Variants in COL25A1 observed in about 807,000 individuals in gnomAD.
COL25A1 encodes the protein collagen type XXV alpha 1 chain.
In COL25A1, 103 loss-of-function variants were observed where a neutral mutation model predicts 128.4. That is an observed-to-expected ratio of 0.80 (90% CI 0.68 to 0.94). The LOEUF is 0.94. Among genes scored for constraint, COL25A1 ranks in the 40% least tolerant of loss-of-function variants. The probability of loss-of-function intolerance (pLI) is 0.00; values close to 1 mark genes in which losing one functional copy is unlikely to be tolerated. For missense variants in COL25A1, 745 were observed against 840.0 expected, an observed-to-expected ratio of 0.89 and a Z score of 1.40; for synonymous variants, 279 against 277.2, an observed-to-expected ratio of 1.01 and a Z score of -0.06.
At chr4:109,178,892 A>T (rs1308603951) in intron 3 of COL25A1, among the ~76,000 whole-genome samples, 1 of 151,476 alleles carries the variant, frequency 6.6e-6, no homozygotes. Context: ...AATCTGCTTC[A>T]CATGAATTTT....
chr4:109,204,142 G>A (rs1024697133), intron 3 of COL25A1, among the ~76,000 whole-genome samples: 3 of 152,116 alleles, frequency 2.0e-5, no homozygotes, highest in African/African-American at 7.2e-5. Flanking sequence ...CTATAAAACA[G>A]AAATTGAGGG....
At chr4:108,875,840 A>G (rs979148284) in intron 19 of COL25A1, among the ~76,000 whole-genome samples, 1 of 152,220 alleles carries the variant, frequency 6.6e-6, no homozygotes, top group East Asian at 1.9e-4. Context: ...AGACTGGATT[A>G]AGAAAATGTG....
At chr4:109,199,449 T>C (rs926780930) in intron 3 of COL25A1, among the ~76,000 whole-genome samples, 1 of 152,222 alleles carries the variant, frequency 6.6e-6, no homozygotes, top group Middle Eastern at 3.4e-3. Context: ...CCAGTCAAAA[T>C]TGGAATTGCA....
intron 3 of COL25A1, among the ~76,000 whole-genome samples, chr4:109,217,512 T>C (rs1416908597): frequency 6.6e-6 from 1 of 152,172 alleles, no homozygotes; most frequent in Admixed American, 6.5e-5. Flanking sequence ...TATTAATAAT[T>C]TAGCAGGTGG....
intron 5 of COL25A1, among the ~76,000 whole-genome samples, chr4:109,012,542 C>T (rs942440441): frequency 4.6e-5 from 7 of 152,114 alleles, no homozygotes; most frequent in African/African-American, 7.2e-5. Flanking sequence ...CAGGTGGGCG[C>T]GGGCTTGGCG....
chr4:108,924,114 G>A (rs1745768989), intron 11 of COL25A1, among the ~76,000 whole-genome samples: 1 of 152,042 alleles, frequency 6.6e-6, no homozygotes, highest in Non-Finnish European at 1.5e-5. Flanking sequence ...TACAGGTTCT[G>A]GGTGATATAA....
chr4:108,912,685 T>G (rs1744371090), intron 13 of COL25A1, among the ~76,000 whole-genome samples: 1 of 152,146 alleles, frequency 6.6e-6, no homozygotes, highest in Admixed American at 6.6e-5. Context: ...TTATAGTAAG[T>G]GAATGGGGGA....
At chr4:108,866,100 A>G (rs1223627143) in intron 20 of COL25A1, among the ~76,000 whole-genome samples, 3 of 152,230 alleles carry the variant, frequency 2.0e-5, no homozygotes, top group Non-Finnish European at 4.4e-5. Flanking sequence ...GCTTAAATGC[A>G]GAAAAATATT....
In COL25A1 at chr4:108,827,180, T is replaced by C; in HGVS notation, c.1719A>G (p.Lys573=). The C allele has an allele frequency of 6.2e-7, 1 of 1,612,642 alleles. No individual in the cohort carries two copies. Among genetic ancestry groups the C allele is most frequent in the South Asian group, 1.1e-5 (1 of 91,004 alleles). Residue 573 remains lysine (K), a synonymous_variant, in exon 33 of 38, where the codon AAA becomes AAG. Transcript: ENST00000399132. ...PAGPKGERGE[K]GAMGEPGPRG... is the part of the protein sequence containing the mutation. ...TTGGTCCAGGCTCTCCCATAGCTCCTTTTTCACCCTAAAATGAAAAGTAGA... is the reference window on the plus strand; with the variant it reads ...TTGGTCCAGGCTCTCCCATAGCTCCCTTTTCACCCTAAAATGAAAAGTAGA...
chr4:108,858,723 C>T (rs1488626558), intron 24 of COL25A1, among the ~76,000 whole-genome samples: 1 of 151,470 alleles, frequency 6.6e-6, no homozygotes, highest in Admixed American at 6.6e-5. Context: ...AGTGACTGTA[C>T]CAAGAAAAGA....
At chr4:109,141,622 G>T (rs1006275256) in intron 3 of COL25A1, among the ~76,000 whole-genome samples, 2 of 152,116 alleles carry the variant, frequency 1.3e-5, no homozygotes, top group Non-Finnish European at 2.9e-5. Flanking sequence ...ACTTCTATTG[G>T]TCTATTCAGG....
At chr4:108,863,782 C>T (rs1229648777) in intron 20 of COL25A1, among the ~76,000 whole-genome samples, 3 of 152,202 alleles carry the variant, frequency 2.0e-5, no homozygotes, top group Admixed American at 6.5e-5. Context: ...CTCTCTTCCG[C>T]AGCTGAGAGC....
chr4:109,232,809 C>T (rs537675856), intron 3 of COL25A1, among the ~76,000 whole-genome samples: 1 of 152,220 alleles, frequency 6.6e-6, no homozygotes, highest in Non-Finnish European at 1.5e-5. Flanking sequence ...TTTTATTATA[C>T]CCACATTCTT....
At chr4:109,022,189 CT>C (rs1560555262) in intron 5 of COL25A1, 2 of 453,540 alleles carry the variant, frequency 4.4e-6, no homozygotes, top group Non-Finnish European at 8.8e-6. Context: ...GATGTTGCCC[CT>C]GGCGGCCCAG....
intron 3 of COL25A1, among the ~76,000 whole-genome samples, chr4:109,051,912 G>C (rs1363975080): frequency 7.3e-6 from 1 of 136,812 alleles, no homozygotes; most frequent in African/African-American, 2.9e-5. Context: ...GAGAAACTTA[G>C]GAATATTCAA....
chr4:109,186,904 T>C (rs1366376928), intron 3 of COL25A1, among the ~76,000 whole-genome samples: 2 of 152,166 alleles, frequency 1.3e-5, no homozygotes, highest in Admixed American at 1.3e-4. Context: ...GACTAAAAAC[T>C]GTATTCATCT....
rs146722131 is a variant in COL25A1 at position 109,212,657 on chromosome 4, G to C, written c.367+87926C>G. Among the ~76,000 whole-genome samples the C allele has an allele frequency of 3.5e-4, 54 of 152,218 alleles. 1 individual carries two copies. Among genetic ancestry groups the C allele is most frequent in the African/African-American group, 1.3e-3 (52 of 41,548 alleles). On this transcript the variant is annotated intron_variant, in intron 3 of 37. Transcript: ENST00000399132. ...CTATCTACCACAAATGACTGTGGAG[G>C]AAAGTGGAAAGCCAAGGAAGGGGGA...
At chr4:109,246,295 T>C (rs1240066355) in intron 3 of COL25A1, among the ~76,000 whole-genome samples, 3 of 152,140 alleles carry the variant, frequency 2.0e-5, no homozygotes, top group Non-Finnish European at 2.9e-5. Flanking sequence ...GACAAATCTA[T>C]ACAGTAAGCT....
At chr4:108,858,587 A>G (rs1736794010) in intron 24 of COL25A1, among the ~76,000 whole-genome samples, 1 of 152,154 alleles carries the variant, frequency 6.6e-6, no homozygotes, top group Admixed American at 6.5e-5. Flanking sequence ...GTATAATTGT[A>G]TTGGTGGAAG....
Sources: allele counts gnomAD v4.1 joint callset (sites outside exome capture counted in the v4.1 genomes callset), GRCh38; gene constraint gnomAD v4.1.1; transcripts MANE v1.5; gene names NCBI Gene and HGNC (gene_info 2026-07-23, HGNC 2026-07-21).